The following PPP3CA variants were observed in gnomAD, a reference collection of about 807,000 sequenced individuals.
The protein encoded by PPP3CA is protein phosphatase 3 catalytic subunit alpha, also known as CAM-PRP catalytic subunit.
PPP3CA carries 14 observed loss-of-function variants against 66.5 expected under a neutral mutation model. That is an observed-to-expected ratio of 0.21 (90% CI 0.14 to 0.33). PPP3CA has a LOEUF of 0.33. Ranked by LOEUF, PPP3CA falls within the 10% of genes least tolerant of loss-of-function variation. The pLI, the probability that PPP3CA is intolerant of heterozygous loss-of-function variation, is 1.00. For synonymous variants in PPP3CA, 232 were observed against 226.2 expected, an observed-to-expected ratio of 1.03 and a Z score of -0.23; for missense variants, 317 against 639.5, an observed-to-expected ratio of 0.50 and a Z score of 5.44.
At chr4:101,246,214 G>T (rs539436549) in intron 1 of PPP3CA, among the ~76,000 whole-genome samples, 1 of 152,286 alleles carries the variant, frequency 6.6e-6, no homozygotes, top group South Asian at 2.1e-4. Context: ...GGGACTAAAT[G>T]AATGTGTGTT....
At chr4:101,159,949 G>A (rs368158328) in intron 2 of PPP3CA, among the ~76,000 whole-genome samples, 14 of 152,008 alleles carry the variant, frequency 9.2e-5, no homozygotes, top group South Asian at 8.3e-4. Context: ...TTACAAAAAC[G>A]TGAACTATCT....
intron 11 of PPP3CA, among the ~76,000 whole-genome samples, chr4:101,034,991 C>T (rs974232795): frequency 2.0e-5 from 3 of 152,114 alleles, no homozygotes; most frequent in Non-Finnish European, 2.9e-5. Flanking sequence ...TCAGGCTGGG[C>T]ACCGTGGCTC....
intron 1 of PPP3CA, among the ~76,000 whole-genome samples, chr4:101,284,946 TA>T (rs1727792345): frequency 6.6e-6 from 1 of 152,180 alleles, no homozygotes; most frequent in Non-Finnish European, 1.5e-5. Flanking sequence ...ATATGGGGAT[TA>T]AAATGTCATA....
At chr4:101,252,117 A>G (rs1418655729) in intron 1 of PPP3CA, among the ~76,000 whole-genome samples, 1 of 152,214 alleles carries the variant, frequency 6.6e-6, no homozygotes. Context: ...CAATTTCCAG[A>G]TAAAGAAAGC....
chr4:101,067,037 A>C (rs2110229234), intron 8 of PPP3CA, among the ~76,000 whole-genome samples: 1 of 152,296 alleles, frequency 6.6e-6, no homozygotes, highest in East Asian at 1.9e-4. Context: ...CAATTGTAAC[A>C]GAGAGACTGT....
intron 1 of PPP3CA, among the ~76,000 whole-genome samples, chr4:101,238,286 T>C (rs1008454684): frequency 6.6e-6 from 1 of 152,204 alleles, no homozygotes; most frequent in Admixed American, 6.5e-5. Context: ...ATATAATTAT[T>C]ATCTTAATTG....
chr4:101,140,788 TAACAGA>T (rs1722783116), intron 2 of PPP3CA, among the ~76,000 whole-genome samples: 1 of 152,200 alleles, frequency 6.6e-6, no homozygotes, highest in South Asian at 2.1e-4. Flanking sequence ...GTGTACACAG[TAACAGA>T]ATTATGATTC....
intron 2 of PPP3CA, among the ~76,000 whole-genome samples, chr4:101,190,643 T>G (rs1228066636): frequency 1.3e-5 from 2 of 152,176 alleles, no homozygotes; most frequent in African/African-American, 4.8e-5. Flanking sequence ...TTACATTTTT[T>G]GTTTGATACA....
chr4:101,126,039 A>G (rs1722235837), intron 2 of PPP3CA, among the ~76,000 whole-genome samples: 1 of 152,188 alleles, frequency 6.6e-6, no homozygotes, highest in Non-Finnish European at 1.5e-5. Flanking sequence ...TTTATACACA[A>G]TATTTTTAAA....
intron 1 of PPP3CA, among the ~76,000 whole-genome samples, chr4:101,308,437 C>T (rs1021379376): frequency 3.3e-5 from 5 of 151,998 alleles, no homozygotes; most frequent in Admixed American, 1.3e-4. Flanking sequence ...ACAAAATCCC[C>T]TTACATGTAA....
chr4:101,206,690 C>A (rs1725140359), intron 1 of PPP3CA, among the ~76,000 whole-genome samples: 1 of 152,224 alleles, frequency 6.6e-6, no homozygotes, highest in Non-Finnish European at 1.5e-5. Flanking sequence ...GTCCAGTACT[C>A]TGGCATTTGA....
rs1054553049 is a variant in PPP3CA at position 101,346,918 on chromosome 4, C to G, written c.-122G>C. On this transcript the variant is annotated 5_prime_UTR_variant, in exon 1 of 14. Transcript: ENST00000394854. ...CGCCGCCGCCGCGCTGCAAACCGCT[C>G]GGCTGGAGGTCTAGGCTCTGAGCTG... 16 of 1,143,808 alleles carry G rather than the reference C, an allele frequency of 1.4e-5. No individual in the cohort carries two copies. Among genetic ancestry groups the G allele is most frequent in the Admixed American group, 2.1e-5 (1 of 47,036 alleles). The allele number at this position is 1,143,808 out of a possible 1,614,324, so 70.9% of individuals were successfully genotyped here. A position where few individuals can be genotyped will look rare whatever the true frequency, so the allele number is the denominator to read the frequency against.
chr4:101,094,372 A>C (rs1287097239), intron 5 of PPP3CA, among the ~76,000 whole-genome samples: 1 of 152,148 alleles, frequency 6.6e-6, no homozygotes, highest in Non-Finnish European at 1.5e-5. Context: ...GTGATTTAGA[A>C]GTTTGGATGG....
chr4:101,299,326 G>C (rs1402246651), intron 1 of PPP3CA, among the ~76,000 whole-genome samples: 1 of 150,968 alleles, frequency 6.6e-6, no homozygotes, highest in Non-Finnish European at 1.5e-5. Flanking sequence ...TCTGAGATCA[G>C]TGAAAAAACA....
At chr4:101,329,984 T>C (rs1447505707) in intron 1 of PPP3CA, among the ~76,000 whole-genome samples, 2 of 152,144 alleles carry the variant, frequency 1.3e-5, no homozygotes, top group Non-Finnish European at 2.9e-5. Context: ...ATTTAAACTT[T>C]CAAATTGTAC....
chr4:101,187,259 T>A (rs1724441919), intron 2 of PPP3CA, among the ~76,000 whole-genome samples: 1 of 152,030 alleles, frequency 6.6e-6, no homozygotes, highest in South Asian at 2.1e-4. Context: ...ATTTTTTTTT[T>A]AAGATAAACT....
intron 1 of PPP3CA, among the ~76,000 whole-genome samples, chr4:101,326,948 T>A (rs1343678434): frequency 6.6e-6 from 1 of 152,200 alleles, no homozygotes; most frequent in Non-Finnish European, 1.5e-5. Context: ...ATAGGCAGTA[T>A]CTATCTGCCT....
chr4:101,189,079 G>A (rs1270531188), intron 2 of PPP3CA, among the ~76,000 whole-genome samples: 6 of 152,016 alleles, frequency 3.9e-5, no homozygotes, highest in Non-Finnish European at 7.4e-5. Context: ...TCATGTGTCT[G>A]TGTCCAAAAC....
intron 1 of PPP3CA, among the ~76,000 whole-genome samples, chr4:101,237,802 C>T (rs1726175274): frequency 6.6e-6 from 1 of 152,086 alleles, no homozygotes; most frequent in African/African-American, 2.4e-5. Context: ...GATTCCCCTT[C>T]AGAATCAAGG....
Sources: allele counts gnomAD v4.1 joint callset (sites outside exome capture counted in the v4.1 genomes callset), GRCh38; gene constraint gnomAD v4.1.1; transcripts MANE v1.5; gene names NCBI Gene and HGNC (gene_info 2026-07-23, HGNC 2026-07-21).